Variants in TAF2 observed in about 807,000 individuals in gnomAD.
TAF2 encodes TATA-box binding protein associated factor 2.
In TAF2, 61 loss-of-function variants were observed where a neutral mutation model predicts 138.5. The ratio of observed to expected loss-of-function variants is 0.44; its 90% CI spans 0.36 to 0.54. TAF2 has a LOEUF of 0.54. Ranked by LOEUF, TAF2 falls within the 20% of genes least tolerant of loss-of-function variation. The pLI, the probability that TAF2 is intolerant of heterozygous loss-of-function variation, is 0.00. For synonymous variants in TAF2, 475 were observed against 469.9 expected, an observed-to-expected ratio of 1.01 and a Z score of -0.14; for missense variants, 1,090 against 1,427.9, an observed-to-expected ratio of 0.76 and a Z score of 3.81.
At chr8:119,733,909 G>A (rs1044230773) in intron 25 of TAF2, among the ~76,000 whole-genome samples, 3 of 152,074 alleles carry the variant, frequency 2.0e-5, no homozygotes, top group Admixed American at 6.6e-5. Context: ...TTCTCTGCCT[G>A]AAGTATCTTA....
At chr8:119,745,297 T>G (rs553041129) in intron 23 of TAF2, among the ~76,000 whole-genome samples, 2 of 151,696 alleles carry the variant, frequency 1.3e-5, no homozygotes, top group East Asian at 3.9e-4. Context: ...GCCTGCAGTG[T>G]GAATGTGGAT....
chr8:119,785,291 G>A (rs747737994), intron 14 of TAF2, 25 bp from the exon 15 acceptor site: 91 of 1,534,636 alleles, frequency 5.9e-5, no homozygotes, highest in Non-Finnish European at 7.4e-5. Context: ...AAGTAGGTTG[G>A]AAAATTGTGA....
At position 119,742,964 on chromosome 8, in the gene TAF2, G is replaced by A. The variant is rs189348469; in HGVS notation, c.3215-308C>T. ...CGCGCCTGTAGTCCCAGCTACTTGG[G>A]AGGCTGAGGCAAGAGAGTCACTTGA... On this transcript the variant is annotated intron_variant, in intron 24 of 25. Transcript: ENST00000378164. Among the ~76,000 whole-genome samples the A allele has an allele frequency of 4.1e-3, 630 of 152,064 alleles. 1 individual carries two copies. The highest frequency in any genetic ancestry group is 0.031 in the Middle Eastern group (9 of 294).
chr8:119,758,907 C>T (rs1225163199), intron 20 of TAF2, among the ~76,000 whole-genome samples: 3 of 152,026 alleles, frequency 2.0e-5, no homozygotes, highest in East Asian at 1.9e-4. Flanking sequence ...CATTTAGACA[C>T]GGACAAAAGT....
At chr8:119,829,017 T>C (rs1826271766) in intron 2 of TAF2, among the ~76,000 whole-genome samples, 1 of 152,022 alleles carries the variant, frequency 6.6e-6, no homozygotes, top group African/African-American at 2.4e-5. Flanking sequence ...ACTCTTTCAG[T>C]GGCTCATAGG....
At chr8:119,741,241 G>A (rs932352183) in intron 25 of TAF2, among the ~76,000 whole-genome samples, 3 of 152,148 alleles carry the variant, frequency 2.0e-5, no homozygotes, top group African/African-American at 7.2e-5. Context: ...AAAACCAAAT[G>A]TATTCTGACT....
intron 10 of TAF2, among the ~76,000 whole-genome samples, chr8:119,792,126 T>C (rs1363689441): frequency 6.6e-6 from 1 of 151,398 alleles, no homozygotes; most frequent in African/African-American, 2.4e-5. Flanking sequence ...GTATGATAAA[T>C]GCCTAGAAGA....
At chr8:119,800,780 C>T (rs1392938118) in intron 6 of TAF2, among the ~76,000 whole-genome samples, 1 of 152,154 alleles carries the variant, frequency 6.6e-6, no homozygotes, top group East Asian at 1.9e-4. Context: ...TCACCGAAAG[C>T]CTGCTGCCCT....
At chr8:119,806,440 T>C (rs1322096320) in intron 3 of TAF2, 39 bp from the exon 4 acceptor site, 9 of 1,444,124 alleles carry the variant, frequency 6.2e-6, no homozygotes, top group African/African-American at 4.2e-5. Flanking sequence ...TAATAAGCCA[T>C]GTATCTTACC....
At chr8:119,805,499 A>G (rs1227984938) in intron 4 of TAF2, among the ~76,000 whole-genome samples, 1 of 152,082 alleles carries the variant, frequency 6.6e-6, no homozygotes, top group Non-Finnish European at 1.5e-5. Context: ...TGAGGTCAGG[A>G]GTTCGAGAGC....
intron 18 of TAF2, among the ~76,000 whole-genome samples, chr8:119,767,604 C>T (rs1821524861): frequency 6.6e-6 from 1 of 152,252 alleles, no homozygotes; most frequent in Admixed American, 6.5e-5. Context: ...GCTTTGGCCC[C>T]TGAGCAGTCA....
chr8:119,800,369 C>G (rs896718657), intron 6 of TAF2, among the ~76,000 whole-genome samples: 6 of 152,268 alleles, frequency 3.9e-5, no homozygotes, highest in African/African-American at 1.4e-4. Context: ...TATGGCTAGC[C>G]AGTTTTCCCA....
intron 9 of TAF2, among the ~76,000 whole-genome samples, chr8:119,794,478 T>C (rs559863896): frequency 6.6e-6 from 1 of 151,204 alleles, no homozygotes; most frequent in East Asian, 1.9e-4. Context: ...ATAATACAGA[T>C]GTAGTACAGA....
chr8:119,778,213 G>T (rs1822393646), intron 17 of TAF2, 84 bp from the exon 18 acceptor site: 1 of 825,682 alleles, frequency 1.2e-6, no homozygotes, highest in African/African-American at 1.7e-5. Flanking sequence ...ATAGAAAAGG[G>T]TTACTCTTGG....
At chr8:119,823,940 G>T (rs7835375) in intron 2 of TAF2, among the ~76,000 whole-genome samples, 2,394 of 152,306 alleles carry the variant, frequency 0.016, 64 homozygotes, top group African/African-American at 0.054. Flanking sequence ...TTCGCATAGA[G>T]ACTGGCAGCA....
intron 18 of TAF2, among the ~76,000 whole-genome samples, chr8:119,772,769 T>A (rs1821937604): frequency 1.3e-5 from 2 of 151,784 alleles, no homozygotes; most frequent in Non-Finnish European, 2.9e-5. Context: ...AAACCCCGTC[T>A]CTACTAAAAA....
chr8:119,746,670 G>A, intron 23 of TAF2, 35 bp downstream of exon 23: 1 of 1,598,664 alleles, frequency 6.3e-7, no homozygotes, highest in Non-Finnish European at 8.6e-7. Flanking sequence ...TCTATATAAT[G>A]AAACTACGTC....
At chr8:119,765,404 A>G (rs1821353359) in intron 18 of TAF2, among the ~76,000 whole-genome samples, 1 of 152,216 alleles carries the variant, frequency 6.6e-6, no homozygotes, top group Non-Finnish European at 1.5e-5. Flanking sequence ...CTGATCTTAG[A>G]AAAATAAGGA....
chr8:119,761,444 A>G (rs765362133), intron 19 of TAF2, among the ~76,000 whole-genome samples: 5 of 152,210 alleles, frequency 3.3e-5, no homozygotes, highest in Non-Finnish European at 7.3e-5. Flanking sequence ...TAAGTGACAT[A>G]TAAGTATAAT....
Sources: gnomAD v4.1 joint callset for allele counts (sites outside exome capture counted in the v4.1 genomes callset) on GRCh38, gnomAD v4.1.1 for gene constraint, MANE v1.5 for transcripts, NCBI Gene and HGNC (gene_info 2026-07-23, HGNC 2026-07-21) for gene names.